The following LRRC55 variants were observed in gnomAD, a reference collection of about 807,000 sequenced individuals.
The protein encoded by LRRC55 is leucine rich repeat containing 55, also known as leucine-rich repeat-containing protein 55.
LRRC55 carries 11 observed loss-of-function variants against 20.5 expected under a neutral mutation model. The ratio of observed to expected loss-of-function variants is 0.54; its 90% CI spans 0.34 to 0.89. The LOEUF (loss-of-function observed/expected upper bound fraction) is 0.89, where lower values mean the gene tolerates loss of function less well. LRRC55 is among the 40% of genes least tolerant of loss of function. The pLI, the probability that LRRC55 is intolerant of heterozygous loss-of-function variation, is 0.02. For missense variants in LRRC55, 358 were observed against 390.9 expected (o/e 0.92, Z 0.71); for synonymous variants, 188 against 166.6 (o/e 1.13, Z -0.99).
In LRRC55 at chr11:57,182,062, C is replaced by A; in HGVS notation, c.40C>A (p.Pro14Thr). The part of the protein sequence containing the change: ...TWAQLPWPGP[P>T]HPAMLLISLL... ...GGCCCAGCTTCCCTGGCCCGGGCCA[C>A]CCCACCCAGCAATGCTGCTGATCTC... is the stretch of plus-strand genomic sequence containing the variant. Residue 14 changes from proline (P) to threonine (T), a missense_variant, in exon 1 of 2, where the codon CCC becomes ACC. Pro to Thr is a conservative substitution (Grantham distance 38, BLOSUM62 -1). Transcript: ENST00000497933. 6.2e-7 allele frequency: 1 copy of A among 1,614,136 alleles called. No individual in the cohort carries two copies. The highest frequency in any genetic ancestry group is 1.1e-5 in the South Asian group (1 of 91,080).
At chr11:57,184,303 G>C (rs554132405) in intron 1 of LRRC55, among the ~76,000 whole-genome samples, 1 of 152,286 alleles carries the variant, frequency 6.6e-6, no homozygotes, top group African/African-American at 2.4e-5. Flanking sequence ...ATTACACCCA[G>C]GGACTCCTTT....
chr11:57,187,430 G>A lies in LRRC55; in HGVS notation c.847G>A (p.Ala283Thr). ...CACCAACTTCCTCCTGGGCATCACT[G>A]CCAACTGCTGCCACCGCTGGAGCAA... ...VATNFLLGIT[A>T]NCCHRWSKAS... The change falls in exon 2 of 2, where the codon GCC (alanine) becomes ACC (threonine). Residue 283 changes from alanine (A) to threonine (T), a missense_variant. Physicochemically the swap from Ala to Thr is moderately conservative, Grantham distance 58. Around this residue, in one of 3 missense-constraint regions of LRRC55, gnomAD observed 178 missense variants for 207.9 expected, o/e 0.86. Coordinates refer to ENST00000497933, the MANE Select transcript of LRRC55 (RefSeq NM_001005210.4). 3.1e-6 allele frequency: 5 copies of A among 1,614,170 alleles called. No homozygotes were observed. Among genetic ancestry groups the A allele is most frequent in the Non-Finnish European group, 4.2e-6 (5 of 1,180,036 alleles).
chr11:57,187,602 G>C lies in LRRC55; in HGVS notation c.*122G>C, dbSNP rs76854610. On this transcript the variant is annotated 3_prime_UTR_variant, in exon 2 of 2. Transcript: ENST00000497933. ...GCTGCCTCAGTCATGGTTCAAGCAA[G>C]GTGGGGACACTCATTTTGTATGAGC... is the stretch of plus-strand genomic sequence containing the variant. The C allele has an allele frequency of 0.014, 13,204 of 920,598 alleles. 129 individuals are homozygous for C. The highest frequency in any genetic ancestry group is 0.019 in the Non-Finnish European group (11,470 of 593,818). 57.0% of individuals were successfully genotyped at this position (920,598 alleles called of 1,614,324 possible).
chr11:57,187,050 A>G (rs1021408251), intron 1 of LRRC55, among the ~76,000 whole-genome samples, 195 bp from the exon 2 acceptor site: 6 of 152,246 alleles, frequency 3.9e-5, no homozygotes, highest in African/African-American at 1.4e-4. Context: ...TACTTTCCAC[A>G]TCTATAGAAA....
chr11:57,187,687 C>T lies in LRRC55; in HGVS notation c.*207C>T. On this transcript the variant is annotated 3_prime_UTR_variant, in exon 2 of 2. Coordinates refer to ENST00000497933, the MANE Select transcript of LRRC55 (RefSeq NM_001005210.4). ...GGAACATCAGATGAACTGACTCAGT[C>T]CCTGCCCTCAAGGCACTTCCCTCTG... is the stretch of plus-strand genomic sequence containing the variant. 1 of 624,182 alleles carries T rather than the reference C, an allele frequency of 1.6e-6. No homozygotes were observed. The highest frequency in any genetic ancestry group is 2.8e-5 in the East Asian group (1 of 36,274). 38.7% of individuals were successfully genotyped at this position (624,182 alleles called of 1,614,324 possible). A position where few individuals can be genotyped will look rare whatever the true frequency, so the allele number is the denominator to read the frequency against.
rs1041873452 is a variant in LRRC55, at chr11:57,190,529, G to C, written c.*3049G>C. On this transcript the variant is annotated 3_prime_UTR_variant, in exon 2 of 2. Transcript: ENST00000497933. ...TGCTCCCATATCCCTGGTGACCACA[G>C]GCTTCATTCAAATTGTCCAAACTGG... The C allele has an allele frequency of 2.6e-5, 4 of 152,210 alleles. No homozygotes were observed. Among genetic ancestry groups the C allele is most frequent in the Non-Finnish European group, 2.9e-5 (2 of 68,052 alleles). The allele number at this position is 152,210 out of a possible 1,614,324, so 9.4% of individuals were successfully genotyped here. A position where few individuals can be genotyped will look rare whatever the true frequency, so the allele number is the denominator to read the frequency against.
Position 57,182,318 on chromosome 11 carries a change from A to G in LRRC55, c.296A>G (p.Asn99Ser), listed in dbSNP as rs1236784992. Residue 99 changes from asparagine (N) to serine (S), a missense_variant, in exon 1 of 2, where the codon AAC becomes AGC. Asn to Ser is a conservative substitution (Grantham distance 46, BLOSUM62 1). This residue lies in a region of LRRC55 where 175 missense variants were observed against 164.5 expected (regional missense o/e 1.06). Transcript: ENST00000497933. Reference sequence around the variant, plus strand: ...CTCCAGGTGCTGGATTTGCACAACAACTCCTTAATGGAGCTGCCCCGGGGC... The same window carrying G: ...CTCCAGGTGCTGGATTTGCACAACAGCTCCTTAATGGAGCTGCCCCGGGGC... Reference protein sequence around the residue: ...MELQVLDLHNNSLMELPRGLF... With the variant: ...MELQVLDLHNSSLMELPRGLF... 1 of 1,613,266 alleles carries G rather than the reference A, an allele frequency of 6.2e-7. No individual in the cohort carries two copies. Among genetic ancestry groups the G allele is most frequent in the Non-Finnish European group, 8.5e-7 (1 of 1,179,764 alleles).
rs1369341331 is a variant in LRRC55, at chr11:57,189,977, C to T, written c.*2497C>T. ...GACAAATCCCTGGCCCTGTGACATC[C>T]GAAGCAGAACTGTGCCCTGCTCTCT... On this transcript the variant is annotated 3_prime_UTR_variant, in exon 2 of 2. Transcript: ENST00000497933. The T allele has an allele frequency of 2.6e-5, 4 of 152,214 alleles. No individual in the cohort carries two copies. Among genetic ancestry groups the T allele is most frequent in the South Asian group, 2.1e-4 (1 of 4,818 alleles). The allele number at this position is 152,214 out of a possible 1,614,324, so 9.4% of individuals were successfully genotyped here. A position where few individuals can be genotyped will look rare whatever the true frequency, so the allele number is the denominator to read the frequency against.
Position 57,183,167 on chromosome 11 carries a change from G to T in LRRC55, c.661+484G>T, listed in dbSNP as rs147287507. Among the ~76,000 whole-genome samples the T allele has an allele frequency of 2.2e-4, 33 of 152,300 alleles. No individual in the cohort carries two copies. In the East Asian group the frequency reaches 6.4e-3, roughly 29 times the overall value. Reference sequence around the variant, plus strand: ...ATACAAATTAAAAAATTAAAAAGTGGCAGGACCATGAATAAAACCTAGATT... The same window carrying T: ...ATACAAATTAAAAAATTAAAAAGTGTCAGGACCATGAATAAAACCTAGATT... On this transcript the variant is annotated intron_variant, in intron 1 of 1. Coordinates refer to ENST00000497933, the MANE Select transcript of LRRC55 (RefSeq NM_001005210.4).
rs1368958452 is a variant in LRRC55, at chr11:57,190,837, G to T, written c.*3357G>T. The stretch of plus-strand genomic sequence containing the variant: ...CAATCTAATATTACATTGCTTGATA[G>T]ATTAAGATGGAATCCCACCAGGTTT... On this transcript the variant is annotated 3_prime_UTR_variant, in exon 2 of 2. Coordinates refer to ENST00000497933, the MANE Select transcript of LRRC55 (RefSeq NM_001005210.4). 6.6e-6 allele frequency: 1 copy of T among 152,166 alleles called. No individual in the cohort carries two copies. Among genetic ancestry groups the T allele is most frequent in the Non-Finnish European group, 1.5e-5 (1 of 68,030 alleles). The allele number at this position is 152,166 out of a possible 1,614,324, so 9.4% of individuals were successfully genotyped here. A position where few individuals can be genotyped will look rare whatever the true frequency, so the allele number is the denominator to read the frequency against.
chr11:57,186,109 G>A (rs1223622062), intron 1 of LRRC55, among the ~76,000 whole-genome samples: 1 of 152,152 alleles, frequency 6.6e-6, no homozygotes, highest in Non-Finnish European at 1.5e-5. Context: ...TTTGACAGAT[G>A]AAGAAGTCAA....
At chr11:57,186,390 G>C (rs958838358) in intron 1 of LRRC55, among the ~76,000 whole-genome samples, 1 of 152,204 alleles carries the variant, frequency 6.6e-6, no homozygotes, top group African/African-American at 2.4e-5. Context: ...ATTGAAAGGG[G>C]AGAAGACAGA....
chr11:57,187,623 T>A lies in LRRC55; in HGVS notation c.*143T>A, dbSNP rs1484748996. On this transcript the variant is annotated 3_prime_UTR_variant, in exon 2 of 2. Coordinates refer to ENST00000497933, the MANE Select transcript of LRRC55 (RefSeq NM_001005210.4). ...GCAAGGTGGGGACACTCATTTTGTA[T>A]GAGCATCTGCTTTGGGCCAGGCGGC... 6.4e-6 allele frequency: 5 copies of A among 777,630 alleles called. No homozygotes were observed. Among genetic ancestry groups the A allele is most frequent in the Non-Finnish European group, 1.1e-5 (5 of 469,198 alleles). The allele number at this position is 777,630 out of a possible 1,614,324, so 48.2% of individuals were successfully genotyped here.
Position 57,191,251 on chromosome 11 carries a change from AAC to A in LRRC55, c.*3773_*3774del, listed in dbSNP as rs1022194933. ...CGAGGAGGGACATGTATGAAATTTG[AAC>A]AGATCAAGACAGGTGTTTGTCTTCA... On this transcript the variant is annotated 3_prime_UTR_variant, in exon 2 of 2. Coordinates refer to ENST00000497933, the MANE Select transcript of LRRC55 (RefSeq NM_001005210.4). The A allele has an allele frequency of 2.0e-5, 3 of 152,154 alleles. No homozygotes were observed. The highest frequency in any genetic ancestry group is 6.5e-5 in the Admixed American group (1 of 15,276). The allele number at this position is 152,154 out of a possible 1,614,324, so 9.4% of individuals were successfully genotyped here. A position where few individuals can be genotyped will look rare whatever the true frequency, so the allele number is the denominator to read the frequency against.
At position 57,189,316 on chromosome 11, in the gene LRRC55, G is replaced by C. The variant is rs898850186; in HGVS notation, c.*1836G>C. On this transcript the variant is annotated 3_prime_UTR_variant, in exon 2 of 2. Coordinates refer to ENST00000497933, the MANE Select transcript of LRRC55 (RefSeq NM_001005210.4). Reference sequence around the variant, plus strand: ...CTTGGGGAAGAGAATGCCTCAGAAGGCTGGGTAGTGGGGCCCTGGAATTCA... The same window carrying C: ...CTTGGGGAAGAGAATGCCTCAGAAGCCTGGGTAGTGGGGCCCTGGAATTCA... 6.6e-6 allele frequency: 1 copy of C among 152,266 alleles called. No individual in the cohort carries two copies. Among genetic ancestry groups the C allele is most frequent in the Non-Finnish European group, 1.5e-5 (1 of 68,096 alleles). The allele number at this position is 152,266 out of a possible 1,614,324, so 9.4% of individuals were successfully genotyped here. A position where few individuals can be genotyped will look rare whatever the true frequency, so the allele number is the denominator to read the frequency against.
In LRRC55 at chr11:57,182,514, C is replaced by A; in HGVS notation, c.492C>A (p.Leu164=). Residue 164 remains leucine, a synonymous_variant, in exon 1 of 2, where the codon CTC becomes CTA. Coordinates refer to ENST00000497933, the MANE Select transcript of LRRC55 (RefSeq NM_001005210.4). ...HPQAFQGLMQ[L]RDLDLSYGGL... ...AGGCCTTTCAGGGCCTCATGCAGCT[C>A]CGAGACCTGGACCTCAGTTATGGGG... 1 of 1,596,962 alleles carries A rather than the reference C, an allele frequency of 6.3e-7. No individual in the cohort carries two copies. Among genetic ancestry groups the A allele is most frequent in the Non-Finnish European group, 8.6e-7 (1 of 1,168,736 alleles).
chr11:57,190,285 T>C lies in LRRC55; in HGVS notation c.*2805T>C, dbSNP rs1416658237. 6.6e-6 allele frequency: 1 copy of C among 152,198 alleles called. No individual in the cohort carries two copies. Among genetic ancestry groups the C allele is most frequent in the African/African-American group, 2.4e-5 (1 of 41,444 alleles). The allele number at this position is 152,198 out of a possible 1,614,324, so 9.4% of individuals were successfully genotyped here. A position where few individuals can be genotyped will look rare whatever the true frequency, so the allele number is the denominator to read the frequency against. ...TGTCCTTTCTAGTGGGACAATTTGG[T>C]CTCCATTAATGCCAAGCCTTTCTGA... On this transcript the variant is annotated 3_prime_UTR_variant, in exon 2 of 2. Transcript: ENST00000497933.
At position 57,183,170 on chromosome 11, in the gene LRRC55, G is replaced by C. The variant is rs141036872; in HGVS notation, c.661+487G>C. Among the ~76,000 whole-genome samples, 191 of 152,294 alleles carry C rather than the reference G, an allele frequency of 1.3e-3. 2 individuals carry two copies. Among genetic ancestry groups the C allele is most frequent in the Non-Finnish European group, 1.7e-3 (119 of 68,024 alleles). On this transcript the variant is annotated intron_variant, in intron 1 of 1. Transcript: ENST00000497933. ...CAAATTAAAAAATTAAAAAGTGGCA[G>C]GACCATGAATAAAACCTAGATTTAT...
rs201307627 is a variant in LRRC55 at position 57,182,700 on chromosome 11, A to T, written c.661+17A>T. 1 of 1,465,078 alleles carries T rather than the reference A, an allele frequency of 6.8e-7. No individual in the cohort carries two copies. The highest frequency in any genetic ancestry group is 1.4e-5 in the African/African-American group (1 of 71,140). 90.8% of individuals were successfully genotyped at this position (1,465,078 alleles called of 1,614,324 possible). The stretch of plus-strand genomic sequence containing the variant: ...GTACAGCAGGTAATAGAGGGGCAGA[A>T]CGGGGCAGTCAACAGGGAGGGCTTG... On this transcript the variant is annotated intron_variant, in intron 1 of 1. Coordinates refer to ENST00000497933, the MANE Select transcript of LRRC55 (RefSeq NM_001005210.4).
Sources: gnomAD v4.1 joint callset for allele counts (sites outside exome capture counted in the v4.1 genomes callset) on GRCh38, gnomAD v4.1.1 for gene constraint, gnomAD v4.1.1 regional missense constraint, MANE v1.5 for transcripts, NCBI Gene and HGNC (gene_info 2026-07-23, HGNC 2026-07-21) for gene names.